The following CGNL1 variants were observed in gnomAD, a reference collection of about 807,000 sequenced individuals.
CGNL1 encodes cingulin-like protein 1.
Under a neutral mutation model 141.2 loss-of-function variants are expected in CGNL1, and 132 were observed. That is an observed-to-expected ratio of 0.93 (90% CI 0.81 to 1.08). The LOEUF is 1.08. Ranked by LOEUF, CGNL1 falls within the 50% of genes least tolerant of loss-of-function variation. The pLI is 0.00. For synonymous variants in CGNL1, 690 were observed against 622.1 expected (o/e 1.11, Z -1.63); for missense variants, 1,870 against 1,588.6 (o/e 1.18, Z -3.01).
chr15:57,388,715 G>A (rs2062510447), intron 1 of CGNL1, among the ~76,000 whole-genome samples: 2 of 152,366 alleles, frequency 1.3e-5, no homozygotes, highest in East Asian at 1.9e-4. Flanking sequence ...AACATGACTC[G>A]CAGATGGAGA....
chr15:57,486,543 C>T (rs1288906434), intron 8 of CGNL1, among the ~76,000 whole-genome samples: 3 of 152,294 alleles, frequency 2.0e-5, no homozygotes, highest in Middle Eastern at 3.4e-3. Flanking sequence ...AAATTTTAGC[C>T]TTTTAACTGA....
intron 1 of CGNL1, 50 bp from the exon 2 acceptor site, chr15:57,437,933 CAG>C: frequency 7.0e-7 from 1 of 1,427,856 alleles, no homozygotes; most frequent in Non-Finnish European, 9.5e-7. Flanking sequence ...TTCATTTAAA[CAG>C]ATGTAATTCT....
intron 1 of CGNL1, among the ~76,000 whole-genome samples, chr15:57,425,322 C>A (rs1260337317): frequency 5.9e-5 from 9 of 152,094 alleles, no homozygotes; most frequent in Admixed American, 5.9e-4. Flanking sequence ...TATGATCTCA[C>A]CAGTGCATTC....
At chr15:57,397,384 G>A (rs1250824973) in intron 1 of CGNL1, among the ~76,000 whole-genome samples, 1 of 152,210 alleles carries the variant, frequency 6.6e-6, no homozygotes, top group African/African-American at 2.4e-5. Flanking sequence ...GAGTGGTGGT[G>A]TTGGAGAAAA....
intron 8 of CGNL1, among the ~76,000 whole-genome samples, chr15:57,501,744 A>C (rs757285154): frequency 1.3e-5 from 2 of 152,074 alleles, no homozygotes. Flanking sequence ...CCAGAGGGTT[A>C]TTGGAGGCCC....
At chr15:57,442,182 G>GAAAAAAAAAAAAAAAAAAAAAAAAAAAAA (rs61564944) in intron 3 of CGNL1, among the ~76,000 whole-genome samples, 191 bp from the exon 4 acceptor site, 6 of 96,528 alleles carry the variant, frequency 6.2e-5, no homozygotes, top group African/African-American at 8.6e-5. Context: ...TCATTTATTT[G>GAAAAAAAAAAAAAAAAAAAAAAAAAAAAA]AAAAAAAAAA....
chr15:57,504,103 T>A (rs2064066543), intron 8 of CGNL1, among the ~76,000 whole-genome samples: 1 of 152,128 alleles, frequency 6.6e-6, no homozygotes, highest in Admixed American at 6.6e-5. Context: ...TGCTGATCAT[T>A]GATGAAAGCA....
intron 4 of CGNL1, among the ~76,000 whole-genome samples, chr15:57,447,482 GC>G (rs1221805575): frequency 6.6e-6 from 1 of 152,210 alleles, no homozygotes; most frequent in African/African-American, 2.4e-5. Context: ...TGGAAAGCCA[GC>G]CATCATTCTT....
intron 4 of CGNL1, among the ~76,000 whole-genome samples, chr15:57,450,935 A>C (rs375860422): frequency 2.6e-5 from 4 of 152,308 alleles, no homozygotes; most frequent in African/African-American, 9.6e-5. Flanking sequence ...CCTGCCCCAT[A>C]AAAGTTCATA....
chr15:57,521,693 G>A (rs538749000), intron 10 of CGNL1, among the ~76,000 whole-genome samples: 3 of 152,298 alleles, frequency 2.0e-5, no homozygotes, highest in African/African-American at 4.8e-5. Context: ...GGTGTCTTTT[G>A]TGGTTCAGGA....
At chr15:57,489,437 A>C (rs2063828178) in intron 8 of CGNL1, among the ~76,000 whole-genome samples, 2 of 152,238 alleles carry the variant, frequency 1.3e-5, no homozygotes, top group Admixed American at 6.5e-5. Context: ...AGGGGTAAAG[A>C]AATAGAAAAT....
intron 1 of CGNL1, among the ~76,000 whole-genome samples, chr15:57,420,890 G>T (rs1429634470): frequency 6.6e-6 from 1 of 152,198 alleles, no homozygotes; most frequent in Non-Finnish European, 1.5e-5. Flanking sequence ...GCTGGATGAT[G>T]ATATTGTACT....
At chr15:57,539,443 C>G (rs1233271390) in intron 14 of CGNL1, among the ~76,000 whole-genome samples, 1 of 152,182 alleles carries the variant, frequency 6.6e-6, no homozygotes, top group African/African-American at 2.4e-5. Flanking sequence ...TGTGACTTTT[C>G]TCTCCTCTGT....
chr15:57,498,021 C>T lies in CGNL1; in HGVS notation c.2404-18759C>T, dbSNP rs1025429377. 5.9e-5 allele frequency among the ~76,000 whole-genome samples: 9 copies of T among 152,148 alleles called. No individual in the cohort carries two copies. The East Asian group carries it at 1.7e-3, about 29-fold the overall frequency. On this transcript the variant is annotated intron_variant, in intron 8 of 18. Transcript: ENST00000281282. ...AAGCAGCCCGTCCACAGGTACCACA[C>T]TGTGGCATGTGCTGTTTTTTTTCCA...
chr15:57,385,204 C>A (rs1417560137), intron 1 of CGNL1, among the ~76,000 whole-genome samples: 1 of 152,172 alleles, frequency 6.6e-6, no homozygotes, highest in Non-Finnish European at 1.5e-5. Context: ...ATCCATTTTC[C>A]TGTTTAACAT....
chr15:57,463,903 A>C (rs756735131), intron 8 of CGNL1, among the ~76,000 whole-genome samples: 17 of 152,032 alleles, frequency 1.1e-4, no homozygotes, highest in Non-Finnish European at 1.8e-4. Flanking sequence ...CTAGATACCT[A>C]TACTCCCTTT....
At chr15:57,485,577 G>A (rs1015694122) in intron 8 of CGNL1, among the ~76,000 whole-genome samples, 2 of 152,204 alleles carry the variant, frequency 1.3e-5, no homozygotes, top group African/African-American at 4.8e-5. Context: ...TGGAGGATAT[G>A]TGAAGTGTCA....
chr15:57,396,963 C>T (rs1447160424), intron 1 of CGNL1: 2 of 152,200 alleles, frequency 1.3e-5, no homozygotes, highest in African/African-American at 4.8e-5. Flanking sequence ...TCAGAAATCA[C>T]ATAATCATAG....
chr15:57,464,613 A>G lies in CGNL1; in HGVS notation c.2403+2721A>G, dbSNP rs78667546. ...GGTGATGTGGGAGGTCTTTTTGGGA[A>G]CTCTAGTATTATTCTTTGAATTTCT... is the stretch of plus-strand genomic sequence containing the variant. On this transcript the variant is annotated intron_variant, in intron 8 of 18. Transcript: ENST00000281282. 6.7e-3 allele frequency among the ~76,000 whole-genome samples: 993 copies of G among 147,940 alleles called. 5 individuals are homozygous for G. Among genetic ancestry groups the G allele is most frequent in the African/African-American group, 0.024 (949 of 39,856 alleles).
Sources: allele counts gnomAD v4.1 joint callset (sites outside exome capture counted in the v4.1 genomes callset), GRCh38; gene constraint gnomAD v4.1.1; transcripts MANE v1.5; gene names NCBI Gene and HGNC (gene_info 2026-07-23, HGNC 2026-07-21).